The following JADE3 variants were observed in gnomAD, a reference collection of about 807,000 sequenced individuals.
JADE3 encodes the protein jade family PHD finger 3, also known as protein Jade-3.
JADE3 carries 2 observed loss-of-function variants against 50.1 expected under a neutral mutation model. The observed-to-expected ratio is 0.04, with a 90% CI of 0.02 to 0.13. JADE3 has a LOEUF of 0.13. Ranked by LOEUF, JADE3 falls within the 10% of genes least tolerant of loss-of-function variation. JADE3 has a pLI of 1.00. For missense variants in JADE3, 475 were observed against 634.4 expected, an observed-to-expected ratio of 0.75 and a Z score of 2.70; for synonymous variants, 218 against 232.9, an observed-to-expected ratio of 0.94 and a Z score of 0.58.
chrX:47,041,588 G>C (rs1389791040), intron 8 of JADE3, among the ~76,000 whole-genome samples: 1 of 110,665 alleles, frequency 9.0e-6, no homozygotes, highest in African/African-American at 3.3e-5. Context: ...TCGCTGTGTT[G>C]TCCAGGCTGG....
intron 1 of JADE3, among the ~76,000 whole-genome samples, chrX:46,982,876 T>C (rs1412980870): frequency 9.0e-6 from 1 of 111,118 alleles, no homozygotes; most frequent in African/African-American, 3.3e-5. Flanking sequence ...TCGCCCAGGC[T>C]GGAGTGCAGT....
chrX:47,028,657 G>A (rs1556366115), intron 6 of JADE3, among the ~76,000 whole-genome samples: 1 of 111,427 alleles, frequency 9.0e-6, no homozygotes, highest in African/African-American at 3.3e-5. Flanking sequence ...ACCGGGAGAG[G>A]TGAAGTGACT....
intron 3 of JADE3, among the ~76,000 whole-genome samples, chrX:46,988,512 G>T (rs1245239035): frequency 8.9e-6 from 1 of 111,804 alleles, no homozygotes; most frequent in African/African-American, 3.3e-5. Flanking sequence ...AACTTTGGCA[G>T]TTAAGAAATA....
intron 3 of JADE3, among the ~76,000 whole-genome samples, chrX:46,992,921 A>G (rs1928049478): frequency 9.0e-6 from 1 of 111,492 alleles, no homozygotes; most frequent in African/African-American, 3.3e-5. Context: ...TGGAAATTGT[A>G]TACAGATTTT....
chrX:47,027,746 A>AT (rs1300660435), intron 5 of JADE3, 146 bp from the exon 6 acceptor site: 1 of 470,659 alleles, frequency 2.1e-6, no homozygotes, highest in Non-Finnish European at 3.6e-6. Context: ...CTAGCAAAAG[A>AT]TTTTTTGAAA....
intron 1 of JADE3, among the ~76,000 whole-genome samples, chrX:46,946,817 C>T (rs1429869595): frequency 2.7e-5 from 3 of 111,659 alleles, no homozygotes; most frequent in Non-Finnish European, 5.6e-5. Flanking sequence ...TTTTCTCCCT[C>T]TTGAAGAGCC....
At chrX:47,007,221 A>G (rs1928448489) in intron 4 of JADE3, among the ~76,000 whole-genome samples, 1 of 111,878 alleles carries the variant, frequency 8.9e-6, no homozygotes, top group African/African-American at 3.2e-5. Flanking sequence ...TACATGTTCC[A>G]TGGGTGCTTA....
intron 8 of JADE3, among the ~76,000 whole-genome samples, chrX:47,041,032 T>G (rs1556369495): frequency 9.0e-6 from 1 of 111,298 alleles, no homozygotes; most frequent in East Asian, 2.8e-4. Context: ...AAAGGAAAAA[T>G]ATTTAAAGGA....
rs782143220 is a variant in JADE3, at chrX:47,058,523, C to G, written c.1918C>G (p.Leu640Val). 8.3e-7 allele frequency: 1 copy of G among 1,209,926 alleles called. No homozygotes were observed. The highest frequency in any genetic ancestry group is 1.8e-5 in the South Asian group (1 of 56,783). ...TCATGGGCAGTCACTGGGAAAGCCT[C>G]TGGTCCTTCAGGCTGCCCTCCATGG... is the stretch of plus-strand genomic sequence containing the variant. ...CYHGQSLGKP[L>V]VLQAALHGQS... Residue 640 changes from leucine to valine, a missense_variant, in exon 11 of 11, where the codon CTG (leucine) becomes GTG (valine). Around this residue, in one of 6 missense-constraint regions of JADE3, gnomAD observed 243 missense variants for 238.2 expected, o/e 1.02. Coordinates refer to ENST00000614628, the MANE Select transcript of JADE3 (RefSeq NM_014735.5).
At chrX:47,023,240 C>T (rs1191009509) in intron 4 of JADE3, among the ~76,000 whole-genome samples, 1 of 111,594 alleles carries the variant, frequency 9.0e-6, no homozygotes, top group Non-Finnish European at 1.9e-5. Flanking sequence ...GCCTAGCATG[C>T]ATTAGCTATT....
chrX:47,015,581 CAA>C (rs56831185), intron 4 of JADE3, among the ~76,000 whole-genome samples: 5 of 67,196 alleles, frequency 7.4e-5, no homozygotes, highest in African/African-American at 4.6e-5. Flanking sequence ...AAGACTGTCT[CAA>C]AAAAAAAAAA....
chrX:46,973,277 C>T (rs928495222), intron 1 of JADE3, among the ~76,000 whole-genome samples: 3 of 112,284 alleles, frequency 2.7e-5, no homozygotes, highest in Non-Finnish European at 5.6e-5. Flanking sequence ...CTTTATTTTT[C>T]CTTGGATGTT....
rs782557807 is a variant in JADE3 at position 47,039,042 on chromosome X, T to C, written c.949T>C (p.Leu317=). 12 of 1,165,150 alleles carry C rather than the reference T, an allele frequency of 1.0e-5. No homozygotes were observed. The highest frequency in any genetic ancestry group is 1.3e-5 in the Non-Finnish European group (11 of 856,782). Residue 317 remains leucine, a synonymous_variant, in exon 8 of 11, where the codon TTG becomes CTG. Transcript: ENST00000614628. Reference sequence around the variant, plus strand: ...GGCCTTAGTCTGCAACTTGTGCAAGTTGAAGACGGGGGCTTGTATTCAGGT... The same window carrying C: ...GGCCTTAGTCTGCAACTTGTGCAAGCTGAAGACGGGGGCTTGTATTCAGGT... The part of the protein sequence containing the change: ...RWALVCNLCK[L]KTGACIQCSI...
At chrX:47,030,522 G>A (rs1203027182) in intron 6 of JADE3, among the ~76,000 whole-genome samples, 1 of 111,573 alleles carries the variant, frequency 9.0e-6, no homozygotes, top group East Asian at 2.8e-4. Context: ...AGCTCCCTCT[G>A]TTGGCTGAAA....
At chrX:47,057,732 G>A (rs1277604891) in intron 10 of JADE3, among the ~76,000 whole-genome samples, 4 of 112,008 alleles carry the variant, frequency 3.6e-5, no homozygotes, top group Admixed American at 9.5e-5. Flanking sequence ...GGCCAGAAGA[G>A]ATTAGAGGAT....
At chrX:47,056,032 GTTT>G in intron 9 of JADE3, 47 bp from the exon 10 acceptor site, 2 of 814,128 alleles carry the variant, frequency 2.5e-6, no homozygotes, top group Middle Eastern at 2.9e-4. Context: ...CAGTTGTCAG[GTTT>G]GCTTAACATG....
At chrX:46,947,742 C>T (rs936444677) in intron 1 of JADE3, among the ~76,000 whole-genome samples, 5 of 111,283 alleles carry the variant, frequency 4.5e-5, no homozygotes, top group African/African-American at 1.6e-4. Context: ...TAAAAATCTG[C>T]ATTTTGCTCA....
chrX:46,932,621 G>A (rs1017368605), intron 1 of JADE3, among the ~76,000 whole-genome samples: 93 of 111,542 alleles, frequency 8.3e-4, no homozygotes, highest in African/African-American at 2.8e-3. Context: ...CATTGCCTGT[G>A]GGTCATGACC....
intron 4 of JADE3, among the ~76,000 whole-genome samples, chrX:47,009,159 C>T (rs906671547): frequency 9.1e-6 from 1 of 110,273 alleles, no homozygotes; most frequent in African/African-American, 3.3e-5. Context: ...CTCGTCTCTA[C>T]AAAAAGTAAA....
Sources: allele counts gnomAD v4.1 joint callset (sites outside exome capture counted in the v4.1 genomes callset), GRCh38; gene constraint gnomAD v4.1.1; regional missense constraint gnomAD v4.1.1; transcripts MANE v1.5; gene names NCBI Gene and HGNC (gene_info 2026-07-23, HGNC 2026-07-21).